Variants in GSDME observed in about 807,000 individuals in gnomAD.
GSDME encodes the protein gasdermin E, also known as gasdermin-E.
In GSDME, 44 loss-of-function variants were observed where a neutral mutation model predicts 47.5. That is an observed-to-expected ratio of 0.93 (90% CI 0.73 to 1.19). The LOEUF (loss-of-function observed/expected upper bound fraction) is 1.19, where lower values mean the gene tolerates loss of function less well. GSDME is among the 50% of genes most tolerant of loss of function. The probability of loss-of-function intolerance (pLI) is 0.00; values close to 1 mark genes in which losing one functional copy is unlikely to be tolerated. For missense variants in GSDME, 663 were observed against 604.2 expected (o/e 1.10, Z -1.02); for synonymous variants, 258 against 252.8 (o/e 1.02, Z -0.20).
At chr7:24,749,180 T>C (rs1050262884) in intron 2 of GSDME, among the ~76,000 whole-genome samples, 3 of 152,136 alleles carry the variant, frequency 2.0e-5, no homozygotes, top group Admixed American at 6.6e-5. Flanking sequence ...TTATAAAGTA[T>C]CTGGACTCAA....
chr7:24,749,116 A>T (rs1351697181), intron 2 of GSDME, among the ~76,000 whole-genome samples: 3 of 152,194 alleles, frequency 2.0e-5, no homozygotes, highest in Non-Finnish European at 4.4e-5. Context: ...AATTTTGTTC[A>T]TTTTAAGAAA....
the GSDME span, among the ~76,000 whole-genome samples, chr7:24,769,557 G>A: frequency 3.3e-5 from 5 of 152,194 alleles, no homozygotes; most frequent in Admixed American, 1.3e-4. Context: ...CACATAATGG[G>A]GGGAGGGAAC....
intron 5 of GSDME, 89 bp from the exon 6 acceptor site, chr7:24,710,477 C>T (rs1789309779): frequency 1.3e-5 from 17 of 1,282,540 alleles, no homozygotes; most frequent in Non-Finnish European, 1.8e-5. Context: ...GCCTTGATGG[C>T]ACATCTTAGA....
chr7:24,730,374 T>C (rs550762486), intron 3 of GSDME, among the ~76,000 whole-genome samples: 26 of 152,362 alleles, frequency 1.7e-4, no homozygotes, highest in African/African-American at 6.0e-4. Flanking sequence ...CAATGGTACA[T>C]AGAATAATGG....
rs1789897705 is a variant in GSDME, at chr7:24,724,384, G to A, written c.405-5166C>T. 1.3e-5 allele frequency among the ~76,000 whole-genome samples: 2 copies of A among 152,260 alleles called. No individual in the cohort carries two copies. Among genetic ancestry groups the A allele is most frequent in the Middle Eastern group, 3.4e-3 (1 of 294 alleles). ...CCAGGAGCCAATGCCCAAAGACAGG[G>A]AAAATGGAGCAGAAGCTCTTCCAGG... On this transcript the variant is annotated intron_variant, in intron 3 of 9. Transcript: ENST00000645220. The surrounding 1 kb of genome is among the most constrained non-coding windows in gnomAD (Gnocchi z 4.8).
chr7:24,754,517 C>T lies in GSDME; in HGVS notation c.-20+2879G>A, dbSNP rs1790956750. On this transcript the variant is annotated intron_variant, in intron 1 of 9. Coordinates refer to ENST00000645220, the MANE Select transcript of GSDME (RefSeq NM_001127453.2). This position sits in a 1 kb window ranked among gnomAD's most constrained non-coding sequence, Gnocchi z 5.0. Reference sequence around the variant, plus strand: ...AAAAAAAAAAAGTTGTATTAGCAAACAGTCCTTAGTCTGGCTTCCCAGCTG... The same window carrying T: ...AAAAAAAAAAAGTTGTATTAGCAAATAGTCCTTAGTCTGGCTTCCCAGCTG... Among the ~76,000 whole-genome samples the T allele has an allele frequency of 6.7e-6, 1 of 149,934 alleles. No homozygotes were observed. Among genetic ancestry groups the T allele is most frequent in the African/African-American group, 2.5e-5 (1 of 40,794 alleles).
At chr7:24,702,712 T>A in intron 9 of GSDME, 48 bp downstream of exon 9, 1 of 1,527,524 alleles carries the variant, frequency 6.5e-7, no homozygotes, top group Non-Finnish European at 9.1e-7. Context: ...CCCCTCATCA[T>A]TTCCCCATTC....
At chr7:24,713,183 T>G (rs1423838516) in intron 5 of GSDME, among the ~76,000 whole-genome samples, 5 of 152,146 alleles carry the variant, frequency 3.3e-5, no homozygotes, top group Non-Finnish European at 5.9e-5. Context: ...GCAGAGCATA[T>G]GATGGAAAGG....
In GSDME at chr7:24,730,644, G is replaced by A. The variant is rs143575306; in HGVS notation, c.405-11426C>T. ...AGCCTGGCCAATATGGTGAAACCCCGTCTCTACTAAAAATGCAAAAATTAG... is the reference window on the plus strand; with the variant it reads ...AGCCTGGCCAATATGGTGAAACCCCATCTCTACTAAAAATGCAAAAATTAG... On this transcript the variant is annotated intron_variant, in intron 3 of 9. Coordinates refer to ENST00000645220, the MANE Select transcript of GSDME (RefSeq NM_001127453.2). 9.9e-3 allele frequency among the ~76,000 whole-genome samples: 1,498 copies of A among 152,004 alleles called. 22 individuals are homozygous for A. Among genetic ancestry groups the A allele is most frequent in the African/African-American group, 0.034 (1,419 of 41,426 alleles).
rs368987826 is a variant in GSDME at position 24,726,520 on chromosome 7, A to C, written c.405-7302T>G. Reference sequence around the variant, plus strand: ...ACTAGCAGGGTCCTCTTACACAAAAACCCTTGATAGTAACAATGGTAGGCC... The same window carrying C: ...ACTAGCAGGGTCCTCTTACACAAAACCCCTTGATAGTAACAATGGTAGGCC... On this transcript the variant is annotated intron_variant, in intron 3 of 9. Transcript: ENST00000645220. This position sits in a 1 kb window ranked among gnomAD's most constrained non-coding sequence, Gnocchi z 5.6. Among the ~76,000 whole-genome samples the C allele has an allele frequency of 5.3e-4, 80 of 151,942 alleles. No individual in the cohort carries two copies. Among genetic ancestry groups the C allele is most frequent in the African/African-American group, 1.9e-3 (77 of 41,432 alleles).
At chr7:24,711,141 A>ATGG (rs1339453974) in intron 5 of GSDME, among the ~76,000 whole-genome samples, 2 of 152,244 alleles carry the variant, frequency 1.3e-5, no homozygotes, top group Admixed American at 6.5e-5. Context: ...CTGAAGCTGG[A>ATGG]TGGTGGGCAC....
At chr7:24,776,180 CAAAAAAAAAA>C in the GSDME span, among the ~76,000 whole-genome samples, 8 of 70,710 alleles carry the variant, frequency 1.1e-4, no homozygotes, top group Non-Finnish European at 1.4e-4. Flanking sequence ...AACTCCATCT[CAAAAAAAAAA>C]AAAAAAAAAA....
At chr7:24,717,674 C>A (rs752461588) in intron 4 of GSDME, among the ~76,000 whole-genome samples, 8 of 152,150 alleles carry the variant, frequency 5.3e-5, no homozygotes, top group Non-Finnish European at 1.0e-4. Context: ...CGTAAGATCA[C>A]CTCCCAATTC....
In GSDME at chr7:24,712,905, T is replaced by G. The variant is rs1168267116; in HGVS notation, c.698-2517A>C. Among the ~76,000 whole-genome samples, 1 of 151,866 alleles carries G rather than the reference T, an allele frequency of 6.6e-6. No homozygotes were observed. Among genetic ancestry groups the G allele is most frequent in the Non-Finnish European group, 1.5e-5 (1 of 67,942 alleles). On this transcript the variant is annotated intron_variant, in intron 5 of 9. Transcript: ENST00000645220. The surrounding 1 kb of genome is among the most constrained non-coding windows in gnomAD (Gnocchi z 4.4). ...TAGTGGTGCACACCTGTAATCCCAG[T>G]TACTCAGGAGGCTGAGGCAGGAGAA...
intron 2 of GSDME, among the ~76,000 whole-genome samples, chr7:24,747,068 C>T (rs78224186): frequency 6.6e-6 from 1 of 152,344 alleles, no homozygotes; most frequent in African/African-American, 2.4e-5. Context: ...CAATCCAGCA[C>T]AAGTCTTTGT....
the GSDME span, among the ~76,000 whole-genome samples, chr7:24,772,560 A>T: frequency 5.1e-3 from 772 of 152,300 alleles, 1 homozygote; most frequent in Non-Finnish European, 7.7e-3. The surrounding 1 kb of genome is among the most constrained non-coding windows in gnomAD (Gnocchi z 4.5). Flanking sequence ...TAAAGAATGA[A>T]CAGTCAACTG....
rs929217246 is a variant in GSDME at position 24,712,718 on chromosome 7, C to G, written c.698-2330G>C. Among the ~76,000 whole-genome samples the G allele has an allele frequency of 1.3e-5, 2 of 152,118 alleles. No homozygotes were observed. The highest frequency in any genetic ancestry group is 6.5e-5 in the Admixed American group (1 of 15,272). ...TTCATGGCTGAGGCCCCTATCACAA[C>G]AGACAGATTAACAAGAGAGGCCAGG... On this transcript the variant is annotated intron_variant, in intron 5 of 9. Transcript: ENST00000645220. The surrounding 1 kb of genome is among the most constrained non-coding windows in gnomAD (Gnocchi z 4.4).
Position 24,698,983 on chromosome 7 carries a change from ATAGCCTTGGCCAG to A in GSDME, c.*30_*42del. The A allele has an allele frequency of 7.3e-7, 1 of 1,371,032 alleles. No individual in the cohort carries two copies. The highest frequency in any genetic ancestry group is 1.0e-6 in the Non-Finnish European group (1 of 966,054). The allele number at this position is 1,371,032 out of a possible 1,614,324, so 84.9% of individuals were successfully genotyped here. ...ATATGACCTTTAACAGTTCTGAAAA[ATAGCCTTGGCCAG>A]TAACACGTACTTCTAGTTCACATAT... On this transcript the variant is annotated 3_prime_UTR_variant, in exon 10 of 10. Coordinates refer to ENST00000645220, the MANE Select transcript of GSDME (RefSeq NM_001127453.2).
rs1308848290 is a variant in GSDME at position 24,710,385 on chromosome 7, A to T, written c.701T>A (p.Phe234Tyr). 6.2e-7 allele frequency: 1 copy of T among 1,614,134 alleles called. No individual in the cohort carries two copies. The highest frequency in any genetic ancestry group is 8.5e-7 in the Non-Finnish European group (1 of 1,180,052). Residue 234 changes from phenylalanine to tyrosine, a missense_variant, in exon 6 of 10, where the codon TTC (phenylalanine) becomes TAC (tyrosine). Phe to Tyr is a conservative substitution (Grantham distance 22, BLOSUM62 3). Coordinates refer to ENST00000645220, the MANE Select transcript of GSDME (RefSeq NM_001127453.2). Reference protein sequence around the residue: ...LYVKLDGQFEFCLLRGKQGGF... With the variant: ...LYVKLDGQFEYCLLRGKQGGF... ...ACCTTGCTTCCCTCGGAGAAGGCAG[A>T]ACTCTGTAGTGCAGGAGAAAAGGAC...
Sources: allele counts gnomAD v4.1 joint callset (sites outside exome capture counted in the v4.1 genomes callset), GRCh38; gene constraint gnomAD v4.1.1; non-coding constraint Gnocchi (gnomAD v3.1); transcripts MANE v1.5; gene names NCBI Gene and HGNC (gene_info 2026-07-23, HGNC 2026-07-21).